INTS4: variants seen among roughly 807,000 people sequenced by gnomAD.
INTS4 encodes integrator complex subunit 4.
Under a neutral mutation model 119.5 loss-of-function variants are expected in INTS4, and 70 were observed. That is an observed-to-expected ratio of 0.59 (90% CI 0.48 to 0.71). The LOEUF (loss-of-function observed/expected upper bound fraction) is 0.71. Among genes scored for constraint, INTS4 ranks in the 30% least tolerant of loss-of-function variants. The pLI is 0.00. For missense variants in INTS4, 867 were observed against 1,173.2 expected, an observed-to-expected ratio of 0.74 and a Z score of 3.81; for synonymous variants, 316 against 419.6, an observed-to-expected ratio of 0.75 and a Z score of 3.02.
chr11:77,891,863 C>T, intron 19 of INTS4, 23 bp from the exon 20 acceptor site: 1 of 1,610,392 alleles, frequency 6.2e-7, no homozygotes, highest in Non-Finnish European at 8.5e-7. Context: ...ACAGAAGCAA[C>T]TGACTCATTC....
chr11:77,949,804 C>T (rs1011473661), intron 8 of INTS4, among the ~76,000 whole-genome samples: 1 of 151,912 alleles, frequency 6.6e-6, no homozygotes, highest in Non-Finnish European at 1.5e-5. Flanking sequence ...TGGAAGACAG[C>T]ATGGCGATTC....
chr11:77,950,509 C>T (rs1004202758), intron 8 of INTS4, among the ~76,000 whole-genome samples: 2 of 151,914 alleles, frequency 1.3e-5, no homozygotes, highest in African/African-American at 2.4e-5. Flanking sequence ...TGTTCAACTG[C>T]ACATAAAGGT....
intron 7 of INTS4, among the ~76,000 whole-genome samples, chr11:77,957,320 G>A (rs1207442550): frequency 6.6e-6 from 1 of 151,520 alleles, no homozygotes; most frequent in Admixed American, 6.6e-5. Flanking sequence ...ATACTGAGGC[G>A]GGCAGATTAC....
chr11:77,915,678 G>A (rs1395240195), intron 15 of INTS4, among the ~76,000 whole-genome samples: 1 of 152,118 alleles, frequency 6.6e-6, no homozygotes, highest in African/African-American at 2.4e-5. Context: ...TGAGTAAACT[G>A]GAGCTAACAG....
chr11:77,908,901 T>C (rs1787018085), intron 15 of INTS4, among the ~76,000 whole-genome samples: 1 of 152,252 alleles, frequency 6.6e-6, no homozygotes, highest in African/African-American at 2.4e-5. Context: ...CATTCTCCAC[T>C]TCTTTATTAC....
At chr11:77,961,949 A>G (rs902376235) in intron 4 of INTS4, among the ~76,000 whole-genome samples, 3 of 152,338 alleles carry the variant, frequency 2.0e-5, no homozygotes, top group South Asian at 2.1e-4. Flanking sequence ...TTTGGTGTAC[A>G]TGTTCACATT....
At chr11:77,930,572 T>C (rs1953621521) in intron 10 of INTS4, among the ~76,000 whole-genome samples, 1 of 152,228 alleles carries the variant, frequency 6.6e-6, no homozygotes, top group Admixed American at 6.5e-5. Context: ...GAGATAATCA[T>C]TGTGACCTCA....
intron 18 of INTS4, among the ~76,000 whole-genome samples, chr11:77,900,352 G>A (rs1057255819): frequency 1.3e-5 from 2 of 152,058 alleles, no homozygotes; most frequent in Non-Finnish European, 2.9e-5. Flanking sequence ...GCCCACCTTG[G>A]CCTCCCAAAG....
At chr11:77,991,571 T>TA (rs1427556910) in intron 1 of INTS4, among the ~76,000 whole-genome samples, 1 of 152,000 alleles carries the variant, frequency 6.6e-6, no homozygotes, top group Admixed American at 6.6e-5. Flanking sequence ...TTTTTTTTCT[T>TA]AGAGATGGAG....
Position 77,878,818 on chromosome 11 carries a change from C to G in INTS4, c.*131G>C. The G allele has an allele frequency of 2.6e-6, 2 of 769,980 alleles. No individual in the cohort carries two copies. Among genetic ancestry groups the G allele is most frequent in the South Asian group, 1.5e-5 (1 of 68,892 alleles). The allele number at this position is 769,980 out of a possible 1,614,324, so 47.7% of individuals were successfully genotyped here. A position where few individuals can be genotyped will look rare whatever the true frequency, so the allele number is the denominator to read the frequency against. The stretch of plus-strand genomic sequence containing the variant: ...GAAACAATTTATCCTGTGTTTGATA[C>G]CAGATGAGACTGTAAGGGTCACATA... On this transcript the variant is annotated 3_prime_UTR_variant, in exon 23 of 23. Coordinates refer to ENST00000534064, the MANE Select transcript of INTS4 (RefSeq NM_033547.4).
chr11:77,924,973 G>C, intron 11 of INTS4, 81 bp from the exon 12 acceptor site: 1 of 1,097,262 alleles, frequency 9.1e-7, no homozygotes, highest in Non-Finnish European at 1.3e-6. Context: ...CTTCTACCCA[G>C]CCACCTTCCC....
At chr11:77,887,608 A>G (rs573208928) in intron 21 of INTS4, among the ~76,000 whole-genome samples, 69 of 152,306 alleles carry the variant, frequency 4.5e-4, no homozygotes, top group African/African-American at 1.6e-3. Context: ...AGGGTATTCA[A>G]TTAGGAAAAG....
At position 77,956,016 on chromosome 11, in the gene INTS4, C is replaced by T. The variant is rs776861330; in HGVS notation, c.844G>A (p.Asp282Asn). Reference protein sequence around the residue: ...SSNEEIRLVDDAFGKICHMVS... With the variant: ...SSNEEIRLVDNAFGKICHMVS... ...ATGTGACAAATTTTGCCAAACGCAT[C>T]ATCAACTAAGCGTATTTCTTCATTA... The change falls in exon 8 of 23, where the codon GAT (aspartate) becomes AAT (asparagine). Residue 282 changes from aspartate (D) to asparagine (N), a missense_variant. Asp to Asn is a conservative substitution (Grantham distance 23, BLOSUM62 1). Around this residue, in one of 5 missense-constraint regions of INTS4, gnomAD observed 208 missense variants for 306.6 expected, o/e 0.68. Transcript: ENST00000534064. The T allele has an allele frequency of 6.2e-7, 1 of 1,610,166 alleles. No individual in the cohort carries two copies. The highest frequency in any genetic ancestry group is 1.3e-5 in the African/African-American group (1 of 74,690).
At chr11:77,923,961 C>T (rs1953430538) in intron 12 of INTS4, among the ~76,000 whole-genome samples, 2 of 150,460 alleles carry the variant, frequency 1.3e-5, no homozygotes, top group Admixed American at 1.3e-4. Flanking sequence ...GATGAGGTTT[C>T]ACCATGTTGG....
Position 77,922,464 on chromosome 11 carries a change from T to A in INTS4, c.1522A>T (p.Lys508Ter). The A allele has an allele frequency of 1.4e-6, 2 of 1,423,336 alleles. No individual in the cohort carries two copies. Among genetic ancestry groups the A allele is most frequent in the Non-Finnish European group, 1.9e-6 (2 of 1,051,656 alleles). The allele number at this position is 1,423,336 out of a possible 1,614,324, so 88.2% of individuals were successfully genotyped here. A position where few individuals can be genotyped will look rare whatever the true frequency, so the allele number is the denominator to read the frequency against. Residue 508 changes from lysine to a stop codon, truncating the protein, a stop_gained, in exon 13 of 23, where the codon AAG becomes TAG. Coordinates refer to ENST00000534064, the MANE Select transcript of INTS4 (RefSeq NM_033547.4). LOFTEE classifies it high-confidence loss of function. ...TDRDSIWKCL[K>*]FLGSRHPTLV... ...GTTGGATGCCGACTTCCCAGAAACT[T>A]CAAGCACCTGAAACAAACAAATAAG...
intron 12 of INTS4, among the ~76,000 whole-genome samples, chr11:77,924,176 C>A (rs1216036060): frequency 1.3e-5 from 2 of 150,248 alleles, no homozygotes; most frequent in African/African-American, 4.9e-5. Flanking sequence ...AGGGGGATCA[C>A]CTGAGGTCAG....
At chr11:77,901,605 A>C (rs1952779978) in intron 17 of INTS4, 54 bp from the exon 18 acceptor site, 3 of 1,368,046 alleles carry the variant, frequency 2.2e-6, no homozygotes, top group African/African-American at 1.4e-5. Flanking sequence ...CTTACTTGAG[A>C]GCAGCATAGA....
chr11:77,915,676 C>T (rs1433881748), intron 15 of INTS4, among the ~76,000 whole-genome samples: 1 of 152,176 alleles, frequency 6.6e-6, no homozygotes, highest in Non-Finnish European at 1.5e-5. Context: ...GGTGAGTAAA[C>T]TGGAGCTAAC....
At chr11:77,994,518 G>T in intron 1 of INTS4, 72 bp downstream of exon 1, 2 of 1,244,392 alleles carry the variant, frequency 1.6e-6, no homozygotes, top group Non-Finnish European at 2.4e-6. Context: ...CTTCTGTTCC[G>T]GCAAAGTGCC....
Sources: gnomAD v4.1 joint callset for allele counts (sites outside exome capture counted in the v4.1 genomes callset) on GRCh38, gnomAD v4.1.1 for gene constraint, gnomAD v4.1.1 regional missense constraint, MANE v1.5 for transcripts, NCBI Gene and HGNC (gene_info 2026-07-23, HGNC 2026-07-21) for gene names.